The following CDK8 variants were observed in gnomAD, a reference collection of about 807,000 sequenced individuals.
CDK8 encodes cyclin dependent kinase 8.
A neutral mutation model predicts 71.5 loss-of-function variants in CDK8; 29 were observed. The observed-to-expected ratio is 0.41, with a 90% CI of 0.30 to 0.55. The LOEUF is 0.55. Ranked by LOEUF, CDK8 falls within the 20% of genes least tolerant of loss-of-function variation. CDK8 has a pLI of 0.37. For synonymous variants in CDK8, 161 were observed against 192.1 expected, an observed-to-expected ratio of 0.84 and a Z score of 1.34; for missense variants, 288 against 572.6, an observed-to-expected ratio of 0.50 and a Z score of 5.07.
chr13:26,344,035 T>TC lies in CDK8; in HGVS notation c.205-5032dup, dbSNP rs551359957. 2.6e-4 allele frequency among the ~76,000 whole-genome samples: 39 copies of TC among 152,184 alleles called. No homozygotes were observed. In the East Asian group the frequency reaches 7.0e-3, roughly 27 times the overall value. ...TAGTTACCAACAGTTTTTCACCCCT[T>TC]CCCCCAACCTCACCCTCCCTCCTCT... On this transcript the variant is annotated intron_variant, in intron 2 of 12. Transcript: ENST00000381527.
At chr13:26,317,030 A>T (rs914659698) in intron 1 of CDK8, among the ~76,000 whole-genome samples, 3 of 152,194 alleles carry the variant, frequency 2.0e-5, no homozygotes, top group South Asian at 2.1e-4. Context: ...AACCTAAAGG[A>T]CAATGGAAAT....
rs1874238096 is a variant in CDK8 at position 26,363,334 on chromosome 13, A to AAAAAAAAAAAAAG, written c.456+9461_456+9462insAAAAAGAAAAAAA. ...CAGAGCAAGACTCCATCTCAAAAAA[A>AAAAAAAAAAAAAG]AAAAAAAGAAATTTGGAGTATTTCA... On this transcript the variant is annotated intron_variant, in intron 4 of 12. Coordinates refer to ENST00000381527, the MANE Select transcript of CDK8 (RefSeq NM_001260.3). Among the ~76,000 whole-genome samples the AAAAAAAAAAAAAG allele has an allele frequency of 2.7e-5, 4 of 149,058 alleles. No individual in the cohort carries two copies. The Admixed American group carries it at 2.7e-4, about 10-fold the overall frequency.
intron 1 of CDK8, among the ~76,000 whole-genome samples, chr13:26,323,292 C>T (rs1323766859): frequency 8.9e-6 from 1 of 112,808 alleles, no homozygotes; most frequent in Non-Finnish European, 1.8e-5. Flanking sequence ...ACTGTGTCCT[C>T]ACATGTGAGA....
chr13:26,320,588 G>A lies in CDK8; in HGVS notation c.129-16979G>A, dbSNP rs556095788. On this transcript the variant is annotated intron_variant, in intron 1 of 12. Coordinates refer to ENST00000381527, the MANE Select transcript of CDK8 (RefSeq NM_001260.3). Reference sequence around the variant, plus strand: ...AAGACACTATCAACACAGTAAAAAGGCAACTAACAGAATGGGAGAAAATAT... The same window carrying A: ...AAGACACTATCAACACAGTAAAAAGACAACTAACAGAATGGGAGAAAATAT... Among the ~76,000 whole-genome samples, 14 of 152,132 alleles carry A rather than the reference G, an allele frequency of 9.2e-5. No individual in the cohort carries two copies. In the South Asian group the frequency reaches 1.5e-3, roughly 16 times the overall value.
At chr13:26,367,545 C>T (rs1370549332) in intron 4 of CDK8, among the ~76,000 whole-genome samples, 1 of 152,038 alleles carries the variant, frequency 6.6e-6, no homozygotes, top group Non-Finnish European at 1.5e-5. Flanking sequence ...GGGGCCAGAC[C>T]TATTTGTTTT....
At position 26,283,747 on chromosome 13, in the gene CDK8, A is replaced by T. The variant is rs534440369; in HGVS notation, c.128+28978A>T. On this transcript the variant is annotated intron_variant, in intron 1 of 12. Coordinates refer to ENST00000381527, the MANE Select transcript of CDK8 (RefSeq NM_001260.3). ...ACCCCTTCTCTACTAAAATACAAAA[A>T]ATTAGCCAGCCGTGGTGGCGTGCGC... Among the ~76,000 whole-genome samples the T allele has an allele frequency of 6.6e-5, 10 of 152,084 alleles. No individual in the cohort carries two copies. In the South Asian group the frequency reaches 1.7e-3, roughly 25 times the overall value.
intron 7 of CDK8, among the ~76,000 whole-genome samples, chr13:26,395,663 G>T (rs760476071): frequency 1.3e-5 from 2 of 152,104 alleles, no homozygotes; most frequent in African/African-American, 4.8e-5. Context: ...TGTACTTAAC[G>T]TATTTAGGAG....
chr13:26,389,288 T>A (rs1875628982), intron 6 of CDK8, among the ~76,000 whole-genome samples: 1 of 152,064 alleles, frequency 6.6e-6, no homozygotes, highest in African/African-American at 2.4e-5. Flanking sequence ...GCCTCCCGAG[T>A]AGCTGGGGTT....
chr13:26,329,285 A>G (rs1389848789), intron 1 of CDK8, among the ~76,000 whole-genome samples: 3 of 151,632 alleles, frequency 2.0e-5, no homozygotes, highest in Non-Finnish European at 4.4e-5. Flanking sequence ...TACTCCTCCC[A>G]TCTCTTAAAG....
intron 1 of CDK8, among the ~76,000 whole-genome samples, chr13:26,291,355 A>G (rs1421931748): frequency 6.6e-6 from 1 of 152,190 alleles, no homozygotes; most frequent in African/African-American, 2.4e-5. Flanking sequence ...ATTGCTAAGC[A>G]ATGCATGACT....
At position 26,401,424 on chromosome 13, in the gene CDK8, G is replaced by A. The variant is rs772726172; in HGVS notation, c.1111-42G>A. On this transcript the variant is annotated intron_variant, in intron 11 of 12. Transcript: ENST00000381527. The surrounding 1 kb of genome is among the most constrained non-coding windows in gnomAD (Gnocchi z 4.5). ...ACATTTTCCATTGTGGGTATATTTT[G>A]TTCTCCCTCTGAGCTGAACTTTTTC... The A allele has an allele frequency of 1.2e-6, 2 of 1,613,548 alleles. No individual in the cohort carries two copies. Among genetic ancestry groups the A allele is most frequent in the African/African-American group, 2.7e-5 (2 of 74,864 alleles).
intron 1 of CDK8, among the ~76,000 whole-genome samples, chr13:26,322,839 T>C (rs1874841712): frequency 6.6e-6 from 1 of 152,204 alleles, no homozygotes; most frequent in African/African-American, 2.4e-5. Flanking sequence ...TGTTTAACAC[T>C]GTCAAATATC....
intron 1 of CDK8, among the ~76,000 whole-genome samples, chr13:26,264,909 CCTT>C (rs1871956589): frequency 6.6e-6 from 1 of 152,104 alleles, no homozygotes; most frequent in Admixed American, 6.5e-5. Flanking sequence ...GATATGATTT[CCTT>C]CTTTTTTGTG....
At chr13:26,315,595 G>T (rs756622697) in intron 1 of CDK8, among the ~76,000 whole-genome samples, 1 of 152,188 alleles carries the variant, frequency 6.6e-6, no homozygotes, top group Non-Finnish European at 1.5e-5. Context: ...ATTTGTGAAA[G>T]AGTTGATAGT....
At chr13:26,285,193 C>T (rs1872948815) in intron 1 of CDK8, among the ~76,000 whole-genome samples, 1 of 152,138 alleles carries the variant, frequency 6.6e-6, no homozygotes, top group African/African-American at 2.4e-5. Flanking sequence ...GATCATGCCA[C>T]TGCACCCCAG....
intron 4 of CDK8, among the ~76,000 whole-genome samples, chr13:26,380,082 C>T (rs976603817): frequency 2.0e-5 from 3 of 152,168 alleles, no homozygotes; most frequent in Non-Finnish European, 2.9e-5. Context: ...GGCAGGGCTG[C>T]GGGTGATGGG....
chr13:26,281,977 C>G (rs1416218155), intron 1 of CDK8, among the ~76,000 whole-genome samples: 4 of 151,398 alleles, frequency 2.6e-5, no homozygotes, highest in African/African-American at 9.7e-5. Context: ...CTTCAGAGCT[C>G]AAAGATAAGG....
chr13:26,355,442 C>T (rs1431208594), intron 4 of CDK8, among the ~76,000 whole-genome samples: 3 of 151,924 alleles, frequency 2.0e-5, no homozygotes, highest in South Asian at 2.1e-4. Flanking sequence ...GGTGAAACCC[C>T]GTCTCTACTA....
chr13:26,348,160 A>G (rs2182849), intron 2 of CDK8, among the ~76,000 whole-genome samples: 54,906 of 151,810 alleles, frequency 0.36, 10,145 homozygotes, highest in East Asian at 0.54. Context: ...GCTAAGTGAA[A>G]TAAGCCTGGC....
Sources: allele counts gnomAD v4.1 joint callset (sites outside exome capture counted in the v4.1 genomes callset), GRCh38; gene constraint gnomAD v4.1.1; non-coding constraint Gnocchi (gnomAD v3.1); transcripts MANE v1.5; gene names NCBI Gene and HGNC (gene_info 2026-07-23, HGNC 2026-07-21).